Variants in PCDHGA8 observed in about 807,000 individuals in gnomAD.
PCDHGA8 encodes protocadherin gamma subfamily A, 8.
PCDHGA8 carries 45 observed loss-of-function variants against 59.2 expected under a neutral mutation model. That is an observed-to-expected ratio of 0.76 (90% confidence interval 0.60 to 0.98). The LOEUF is 0.98. Among genes scored for constraint, PCDHGA8 ranks in the 50% least tolerant of loss-of-function variants. PCDHGA8 has a pLI of 0.00. For missense variants in PCDHGA8, 1,257 were observed against 1,196.2 expected, an observed-to-expected ratio of 1.05 and a Z score of -0.75; for synonymous variants, 531 against 519.0, an observed-to-expected ratio of 1.02 and a Z score of -0.32.
chr5:141,394,586 G>T lies in PCDHGA8; in HGVS notation c.1773G>T (p.Val591=). 3.1e-6 allele frequency: 5 copies of T among 1,613,888 alleles called. No individual in the cohort carries two copies. Among genetic ancestry groups the T allele is most frequent in the Non-Finnish European group, 4.2e-6 (5 of 1,180,042 alleles). The change falls in exon 1 of 4, where the codon GTG becomes GTT. Residue 591 remains valine, a synonymous_variant. Transcript: ENST00000398604. ...SAERGYLVTK[V]VAVDRDSGQN... The stretch of plus-strand genomic sequence containing the variant: ...AGCGTGGCTACCTGGTGACCAAGGT[G>T]GTGGCGGTGGACAGAGACTCGGGCC...
At chr5:141,467,604 CT>C (rs2099147202) in intron 1 of PCDHGA8, among the ~76,000 whole-genome samples, 1 of 152,204 alleles carries the variant, frequency 6.6e-6, no homozygotes, top group Non-Finnish European at 1.5e-5. Context: ...AGCACTTCAT[CT>C]TTGTCCCAGT....
At chr5:141,412,876 A>T (rs1206092699) in intron 1 of PCDHGA8, 2 of 281,096 alleles carry the variant, frequency 7.1e-6, no homozygotes, top group Admixed American at 4.9e-5. Flanking sequence ...AAATATAATA[A>T]TCCAACAGAA....
intron 1 of PCDHGA8, among the ~76,000 whole-genome samples, chr5:141,459,184 G>GC (rs2098963022): frequency 6.6e-6 from 1 of 152,134 alleles, no homozygotes; most frequent in South Asian, 2.1e-4. Flanking sequence ...GTTCCCTCAT[G>GC]CCCCTTTGCA....
In PCDHGA8 at chr5:141,512,494, C is replaced by T. The variant is rs2099884262; in HGVS notation, c.*1321C>T. The T allele has an allele frequency of 6.5e-6, 1 of 152,894 alleles. No individual in the cohort carries two copies. Among genetic ancestry groups the T allele is most frequent in the Admixed American group, 6.5e-5 (1 of 15,282 alleles). The allele number at this position is 152,894 out of a possible 1,614,324, so 9.5% of individuals were successfully genotyped here. Reference sequence around the variant, plus strand: ...CTTCCGTGAAGGCCACTGCCCAGGTCCCCAGTGCGCCCCCTAGTGGCCATA... The same window carrying T: ...CTTCCGTGAAGGCCACTGCCCAGGTTCCCAGTGCGCCCCCTAGTGGCCATA... On this transcript the variant is annotated 3_prime_UTR_variant, in exon 4 of 4. Transcript: ENST00000398604.
At chr5:141,460,983 G>GTGTGTA (rs1554142949) in intron 1 of PCDHGA8, among the ~76,000 whole-genome samples, 82 of 137,842 alleles carry the variant, frequency 5.9e-4, no homozygotes, top group African/African-American at 1.9e-3. Flanking sequence ...GTGTGTGTGT[G>GTGTGTA]TATATATATA....
At chr5:141,507,865 T>C (rs2099864402) in intron 3 of PCDHGA8, among the ~76,000 whole-genome samples, 1 of 152,128 alleles carries the variant, frequency 6.6e-6, no homozygotes. Context: ...CACACCCGCT[T>C]CCTAGCCCTG....
intron 1 of PCDHGA8, chr5:141,419,412 G>A (rs770138290): frequency 1.9e-6 from 3 of 1,613,446 alleles, no homozygotes; most frequent in South Asian, 2.2e-5. Context: ...TTCGCGCAGC[G>A]CGCCTTCGAC....
Position 141,395,066 on chromosome 5 carries a change from G to GACC in PCDHGA8, c.2254_2256dup (p.Thr752dup). On this transcript the variant is annotated inframe_insertion, in exon 1 of 4. Transcript: ENST00000398604. ...TTGAGGAGGTACAGGCTTTCCTGCA[G>GACC]ACCTATTCCCAGGAAGTCTCCCTCA... is the stretch of plus-strand genomic sequence containing the variant. 6.2e-7 allele frequency: 1 copy of GACC among 1,614,136 alleles called. No individual in the cohort carries two copies. The highest frequency in any genetic ancestry group is 8.5e-7 in the Non-Finnish European group (1 of 1,180,032).
At chr5:141,451,712 C>G (rs769620335) in intron 1 of PCDHGA8, among the ~76,000 whole-genome samples, 2 of 151,994 alleles carry the variant, frequency 1.3e-5, no homozygotes, top group African/African-American at 4.8e-5. Context: ...CAAAACCCTG[C>G]CTCTACTAAA....
chr5:141,488,677 G>A (rs2099678276), intron 1 of PCDHGA8, among the ~76,000 whole-genome samples: 2 of 152,184 alleles, frequency 1.3e-5, no homozygotes, highest in African/African-American at 2.4e-5. Context: ...CATGGGCTTT[G>A]CCTCTCCCAG....
At chr5:141,439,009 G>T (rs1474312524) in intron 1 of PCDHGA8, among the ~76,000 whole-genome samples, 1 of 151,594 alleles carries the variant, frequency 6.6e-6, no homozygotes, top group Non-Finnish European at 1.5e-5. Flanking sequence ...TGGTTTGTTT[G>T]TCAAATTTTG....
Position 141,512,559 on chromosome 5 carries a change from C to T in PCDHGA8, c.*1386C>T, listed in dbSNP as rs1396321304. The T allele has an allele frequency of 6.5e-6, 1 of 152,904 alleles. No individual in the cohort carries two copies. The highest frequency in any genetic ancestry group is 1.5e-5 in the Non-Finnish European group (1 of 68,438). The allele number at this position is 152,904 out of a possible 1,614,324, so 9.5% of individuals were successfully genotyped here. ...CCCCAGTGCCTCCTTGTGCATAGAC[C>T]TTCTTCTCCCACCCCCTTCTGCCCC... On this transcript the variant is annotated 3_prime_UTR_variant, in exon 4 of 4. Coordinates refer to ENST00000398604, the MANE Select transcript of PCDHGA8 (RefSeq NM_032088.2).
At chr5:141,482,530 CAAAAAAA>C (rs3074545) in intron 1 of PCDHGA8, among the ~76,000 whole-genome samples, 2 of 76,560 alleles carry the variant, frequency 2.6e-5, no homozygotes, top group South Asian at 4.6e-4. Flanking sequence ...GACAGACATG[CAAAAAAA>C]AAAAAAAAAA....
intron 1 of PCDHGA8, among the ~76,000 whole-genome samples, chr5:141,450,467 T>G (rs997813636): frequency 1.3e-5 from 2 of 151,944 alleles, no homozygotes; most frequent in African/African-American, 2.4e-5. Flanking sequence ...ATTTTATATA[T>G]AGAGTTTGTT....
intron 1 of PCDHGA8, chr5:141,478,902 GCTGCTGGATAC>G: frequency 1.0e-6 from 1 of 978,788 alleles, no homozygotes. Context: ...TTAGGAATAA[GCTGCTGGATAC>G]CTCTAACCAG....
chr5:141,423,117 G>T, intron 1 of PCDHGA8: 1 of 1,613,816 alleles, frequency 6.2e-7, no homozygotes, highest in Non-Finnish European at 8.5e-7. Flanking sequence ...TGCGTACAGC[G>T]CGGGCACTGC....
At chr5:141,421,417 G>A (rs1188564125) in intron 1 of PCDHGA8, 2 of 1,613,950 alleles carry the variant, frequency 1.2e-6, no homozygotes, top group Non-Finnish European at 1.7e-6. Context: ...GGCGAAGCGC[G>A]GAGTCCGCAT....
intron 1 of PCDHGA8, chr5:141,410,284 G>A (rs2095374455): frequency 1.2e-6 from 2 of 1,613,990 alleles, no homozygotes; most frequent in Non-Finnish European, 1.7e-6. Flanking sequence ...ACCTGGTGGT[G>A]GCCTTGGCCT....
In PCDHGA8 at chr5:141,432,853, C is replaced by A. The variant is rs748301578; in HGVS notation, c.2424+37616C>A. 1.1e-5 allele frequency: 17 copies of A among 1,614,176 alleles called. No homozygotes were observed. Among genetic ancestry groups the A allele is most frequent in the East Asian group, 4.5e-5 (2 of 44,874 alleles). On this transcript the variant is annotated intron_variant, in intron 1 of 3. Transcript: ENST00000398604. The surrounding 1 kb of genome is among the most constrained non-coding windows in gnomAD (Gnocchi z 6.0). ...CTCTGTACCTGGTGGTAGCGGTGGC[C>A]GCGGTCTCCTGCGTCTTCCTGGCCT...
Sources: gnomAD v4.1 joint callset for allele counts (sites outside exome capture counted in the v4.1 genomes callset) on GRCh38, gnomAD v4.1.1 for gene constraint, Gnocchi (gnomAD v3.1) non-coding constraint, MANE v1.5 for transcripts, NCBI Gene and HGNC (gene_info 2026-07-23, HGNC 2026-07-21) for gene names.